PKHD1L1: variants seen among roughly 807,000 people sequenced by gnomAD.
PKHD1L1 encodes the protein fibrocystin-L.
In PKHD1L1, 434 loss-of-function variants were observed where a neutral mutation model predicts 462.9. That is an observed-to-expected ratio of 0.94 (90% CI 0.87 to 1.02). The LOEUF (loss-of-function observed/expected upper bound fraction) is 1.02, where lower values mean the gene tolerates loss of function less well. Among genes scored for constraint, PKHD1L1 ranks in the 50% least tolerant of loss-of-function variants. PKHD1L1 has a pLI of 0.00. For missense variants in PKHD1L1, 5,202 were observed against 5,096.1 expected, an observed-to-expected ratio of 1.02 and a Z score of -0.63; for synonymous variants, 1,781 against 1,750.0, an observed-to-expected ratio of 1.02 and a Z score of -0.44.
intron 19 of PKHD1L1, 124 bp from the exon 20 acceptor site, chr8:109,412,140 TA>T (rs2130602035): frequency 1.1e-6 from 1 of 877,148 alleles, no homozygotes; most frequent in Non-Finnish European, 1.7e-6. Context: ...AGAAAACATC[TA>T]AAGTTAAAGT....
chr8:109,504,314 A>G lies in PKHD1L1; in HGVS notation c.10829-13A>G. 1 of 1,375,128 alleles carries G rather than the reference A, an allele frequency of 7.3e-7. No individual in the cohort carries two copies. Among genetic ancestry groups the G allele is most frequent in the Non-Finnish European group, 9.8e-7 (1 of 1,022,436 alleles). 85.2% of individuals were successfully genotyped at this position (1,375,128 alleles called of 1,614,324 possible). On this transcript the variant is annotated splice_polypyrimidine_tract_variant and intron_variant, in intron 67 of 77. Coordinates refer to ENST00000378402, the MANE Select transcript of PKHD1L1 (RefSeq NM_177531.6). ...TAGAGAAAATAATCACTTATCTATT[A>G]TTTATGTTTTAGGTTCAACATTTGT...
chr8:109,525,188 A>C (rs730885), intron 76 of PKHD1L1, among the ~76,000 whole-genome samples: 28,718 of 152,072 alleles, frequency 0.19, 3,059 homozygotes, highest in East Asian at 0.33. Flanking sequence ...CCTCTTCTAC[A>C]TATAGCTCCA....
At chr8:109,395,123 A>C (rs887083245) in intron 10 of PKHD1L1, among the ~76,000 whole-genome samples, 1 of 152,224 alleles carries the variant, frequency 6.6e-6, no homozygotes, top group Non-Finnish European at 1.5e-5. Flanking sequence ...TCTAAGTACT[A>C]TATGGTTTCT....
intron 22 of PKHD1L1, 43 bp from the exon 23 acceptor site, chr8:109,420,475 G>A (rs1814403052): frequency 7.6e-7 from 1 of 1,318,752 alleles, no homozygotes; most frequent in South Asian, 1.9e-5. Context: ...AAAAACCACA[G>A]TTACTTTTAC....
In PKHD1L1 at chr8:109,444,942, A is replaced by G. The variant is rs377675099; in HGVS notation, c.5073A>G (p.Val1691=). 17 of 1,614,018 alleles carry G rather than the reference A, an allele frequency of 1.1e-5. No homozygotes were observed. The African/African-American group carries it at 2.0e-4, about 19-fold the overall frequency. Residue 1691 remains valine (V), a synonymous_variant, in exon 38 of 78, where the codon GTA becomes GTG. Coordinates refer to ENST00000378402, the MANE Select transcript of PKHD1L1 (RefSeq NM_177531.6). ...GSGFAVSSAG[V]KVLMGHFPCK... ...GATTTGCCGTTTCTTCTGCAGGTGT[A>G]AAAGTCCTTATGGGTCATTTCCCAT...
chr8:109,528,429 A>T (rs1027721346), intron 77 of PKHD1L1, among the ~76,000 whole-genome samples: 2 of 152,234 alleles, frequency 1.3e-5, no homozygotes, highest in Non-Finnish European at 2.9e-5. Context: ...CATGCAAAAA[A>T]TATAATCAAC....
At chr8:109,378,177 A>G (rs1284805295) in intron 2 of PKHD1L1, among the ~76,000 whole-genome samples, 1 of 152,172 alleles carries the variant, frequency 6.6e-6, no homozygotes, top group Non-Finnish European at 1.5e-5. Context: ...TTTTCACTTT[A>G]CTGTCCTCTG....
In PKHD1L1 at chr8:109,362,631, G is replaced by T. The variant is rs1330161545; in HGVS notation, c.51G>T (p.Leu17=). ...TTTGGGGCCTCTGTGGGCTGCTCCT[G>T]TGTGCCGCGGATCCCAGCACAGGTA... ...LGIWGLCGLL[L]CAADPSTDGS... The change falls in exon 1 of 78, where the codon CTG becomes CTT. Residue 17 remains leucine, a synonymous_variant. Transcript: ENST00000378402. The T allele has an allele frequency of 6.2e-7, 1 of 1,606,958 alleles. No homozygotes were observed.
In PKHD1L1 at chr8:109,464,659, C is replaced by T. The variant is rs573204529; in HGVS notation, c.7827C>T (p.Gly2609=). The T allele has an allele frequency of 1.4e-5, 22 of 1,612,888 alleles. No homozygotes were observed. Among genetic ancestry groups the T allele is most frequent in the African/African-American group, 8.0e-5 (6 of 74,984 alleles). ...TTTGTCAAAAAAGAGTTCCCCTTGG[C>T]GAATTTTTTAACAATACTGTCCATT... ...RNICQKRVPL[G]EFFNNTVHSQ... is the part of the protein sequence containing the mutation. Residue 2609 remains glycine, a synonymous_variant, in exon 49 of 78, where the codon GGC becomes GGT. Transcript: ENST00000378402.
At position 109,384,086 on chromosome 8, in the gene PKHD1L1, C is replaced by A; in HGVS notation, c.434C>A (p.Thr145Asn). ...TTTTTACAGGCAAAAAGTTTTAGAACCCCAACAATAAGAAGCATCACACCT... is the reference window on the plus strand; with the variant it reads ...TTTTTACAGGCAAAAAGTTTTAGAAACCCAACAATAAGAAGCATCACACCT... ...ECTFNAKSFR[T>N]PTIRSITPLS... is the part of the protein sequence containing the mutation. Residue 145 changes from threonine to asparagine, a missense_variant, in exon 5 of 78, where the codon ACC becomes AAC. Coordinates refer to ENST00000378402, the MANE Select transcript of PKHD1L1 (RefSeq NM_177531.6). The A allele has an allele frequency of 6.2e-7, 1 of 1,610,036 alleles. No homozygotes were observed. The highest frequency in any genetic ancestry group is 8.5e-7 in the Non-Finnish European group (1 of 1,176,752).
Position 109,445,163 on chromosome 8 carries a change from T to G in PKHD1L1, c.5294T>G (p.Val1765Gly), listed in dbSNP as rs775316359. ...FPNSVIGSVK[V>G]LIEGEGLGTV... Reference sequence around the variant, plus strand: ...AACTCTGTCATAGGATCTGTAAAAGTTCTTATTGAAGGAGAAGGTTTGGGG... The same window carrying G: ...AACTCTGTCATAGGATCTGTAAAAGGTCTTATTGAAGGAGAAGGTTTGGGG... The change falls in exon 38 of 78, where the codon GTT becomes GGT. Residue 1765 changes from valine to glycine, a missense_variant. Val to Gly is a moderately radical substitution (Grantham distance 109). Transcript: ENST00000378402. 2 of 1,613,872 alleles carry G rather than the reference T, an allele frequency of 1.2e-6. No individual in the cohort carries two copies. Among genetic ancestry groups the G allele is most frequent in the Non-Finnish European group, 8.5e-7 (1 of 1,179,868 alleles).
Position 109,389,136 on chromosome 8 carries a change from G to T in PKHD1L1, c.681G>T (p.Thr227=). Reference sequence around the variant, plus strand: ...ATATGGGTTCTATGGTTTGTAAGACGACTGGAACTTTTATTGGCAAGTGTT... The same window carrying T: ...ATATGGGTTCTATGGTTTGTAAGACTACTGGAACTTTTATTGGCAAGTGTT... ...NGDMGSMVCK[T]TGTFIGHHNV... is the part of the protein sequence containing the mutation. Residue 227 remains threonine (T), a synonymous_variant, in exon 8 of 78, where the codon ACG becomes ACT. Coordinates refer to ENST00000378402, the MANE Select transcript of PKHD1L1 (RefSeq NM_177531.6). 4 of 1,609,034 alleles carry T rather than the reference G, an allele frequency of 2.5e-6. No homozygotes were observed. In the South Asian group the frequency reaches 3.3e-5, roughly 13 times the overall value.
intron 4 of PKHD1L1, among the ~76,000 whole-genome samples, chr8:109,383,477 A>G (rs536867089): frequency 2.3e-5 from 3 of 131,318 alleles, no homozygotes; most frequent in African/African-American, 8.5e-5. Flanking sequence ...AATATATATA[A>G]AACTATTTTT....
At chr8:109,440,890 T>G (rs199677679) in intron 33 of PKHD1L1, 38 bp downstream of exon 33, 4 of 1,596,598 alleles carry the variant, frequency 2.5e-6, no homozygotes, top group Non-Finnish European at 3.4e-6. Flanking sequence ...TTATCATTTT[T>G]CTCAGCTTAA....
chr8:109,523,230 TA>T lies in PKHD1L1; in HGVS notation c.12331-2del, dbSNP rs1820645835. On this transcript the variant is annotated splice_acceptor_variant, in intron 75 of 77. Transcript: ENST00000378402. LOFTEE classifies it high-confidence loss of function. ...TAATTATCTACTTTTTTTTTTTTTT[TA>T]GGGTAACTGTGTATCAGTTGGAATT... The T allele has an allele frequency of 1.9e-6, 3 of 1,550,464 alleles. No homozygotes were observed. The highest frequency in any genetic ancestry group is 2.6e-6 in the Non-Finnish European group (3 of 1,148,568).
intron 53 of PKHD1L1, among the ~76,000 whole-genome samples, chr8:109,477,890 A>C (rs1818074032): frequency 6.6e-6 from 1 of 152,192 alleles, no homozygotes; most frequent in Admixed American, 6.6e-5. Flanking sequence ...AGTTAAAAAC[A>C]ATATTTCTAT....
At chr8:109,417,313 C>G (rs1814228904) in intron 21 of PKHD1L1, among the ~76,000 whole-genome samples, 1 of 151,616 alleles carries the variant, frequency 6.6e-6, no homozygotes, top group South Asian at 2.1e-4. Flanking sequence ...ATGTACCCCA[C>G]AAATATATAC....
chr8:109,450,317 G>A (rs1816414158), intron 40 of PKHD1L1, among the ~76,000 whole-genome samples: 1 of 152,156 alleles, frequency 6.6e-6, no homozygotes, highest in African/African-American at 2.4e-5. Context: ...TATGTTTTAT[G>A]TGAACACATT....
Position 109,394,516 on chromosome 8 carries a change from G to A in PKHD1L1, c.811+31G>A, listed in dbSNP as rs769935513. 7.2e-6 allele frequency: 10 copies of A among 1,390,144 alleles called. No homozygotes were observed. The Admixed American group carries it at 1.9e-4, about 27-fold the overall frequency. The allele number at this position is 1,390,144 out of a possible 1,614,324, so 86.1% of individuals were successfully genotyped here. A position where few individuals can be genotyped will look rare whatever the true frequency, so the allele number is the denominator to read the frequency against. The stretch of plus-strand genomic sequence containing the variant: ...TGACTTTTCTTTCACTCTGTTGCGG[G>A]GGTGGTGGGAAGGCAGTGTATAATT... On this transcript the variant is annotated intron_variant, in intron 10 of 77. Transcript: ENST00000378402.
Sources: allele counts gnomAD v4.1 joint callset (sites outside exome capture counted in the v4.1 genomes callset), GRCh38; gene constraint gnomAD v4.1.1; transcripts MANE v1.5; gene names NCBI Gene and HGNC (gene_info 2026-07-23, HGNC 2026-07-21).